The following ZPBP variants were observed in gnomAD, a reference collection of about 807,000 sequenced individuals.
The protein encoded by ZPBP is zona pellucida-binding protein 1.
In ZPBP, 26 loss-of-function variants were observed where a neutral mutation model predicts 44.8. The ratio of observed to expected loss-of-function variants is 0.58; its 90% CI spans 0.43 to 0.81. ZPBP has a LOEUF of 0.81. ZPBP is among the 30% of genes least tolerant of loss of function. The pLI is 0.00. For synonymous variants in ZPBP, 174 were observed against 153.2 expected (o/e 1.14, Z -1.00); for missense variants, 409 against 434.0 (o/e 0.94, Z 0.51).
chr7:49,903,933 G>A (rs1461156046), intron 1 of ZPBP, among the ~76,000 whole-genome samples: 1 of 152,130 alleles, frequency 6.6e-6, no homozygotes, highest in Non-Finnish European at 1.5e-5. Context: ...GGCAATGTCT[G>A]GTTTACATAG....
At chr7:50,078,634 A>C (rs1477304681) in intron 3 of ZPBP, among the ~76,000 whole-genome samples, 1 of 151,440 alleles carries the variant, frequency 6.6e-6, no homozygotes, top group Admixed American at 6.6e-5. Flanking sequence ...AGGAAACACC[A>C]CTCTGAACAT....
intron 2 of ZPBP, among the ~76,000 whole-genome samples, chr7:49,858,751 G>T (rs1274653205): frequency 6.6e-6 from 1 of 152,060 alleles, no homozygotes; most frequent in Admixed American, 6.5e-5. Context: ...CACAATGCAA[G>T]ATTATGCATT....
intron 5 of ZPBP, among the ~76,000 whole-genome samples, chr7:50,026,319 G>C (rs1223177456): frequency 2.6e-5 from 4 of 151,680 alleles, no homozygotes; most frequent in Admixed American, 6.6e-5. Context: ...CAGAACTGAA[G>C]GGAAAAGCAG....
At chr7:49,877,831 C>G (rs1245459235) in intron 2 of ZPBP, among the ~76,000 whole-genome samples, 1 of 151,926 alleles carries the variant, frequency 6.6e-6, no homozygotes, top group African/African-American at 2.4e-5. Context: ...AAGGCTACTG[C>G]TACCATTTCC....
At chr7:49,875,120 C>A (rs1384942914) in intron 2 of ZPBP, among the ~76,000 whole-genome samples, 1 of 151,366 alleles carries the variant, frequency 6.6e-6, no homozygotes, top group East Asian at 1.9e-4. Flanking sequence ...GCCTGTAATC[C>A]CAGCACTTTG....
At chr7:50,021,032 T>C (rs1799069335) in intron 5 of ZPBP, among the ~76,000 whole-genome samples, 1 of 151,816 alleles carries the variant, frequency 6.6e-6, no homozygotes, top group Non-Finnish European at 1.5e-5. Context: ...GCAAGAAACA[T>C]ACACACTGAA....
At chr7:49,954,513 A>G (rs1795487144) in intron 7 of ZPBP, among the ~76,000 whole-genome samples, 1 of 152,180 alleles carries the variant, frequency 6.6e-6, no homozygotes, top group South Asian at 2.1e-4. Flanking sequence ...TTGGCAAAGC[A>G]GAAATGTTTA....
intron 2 of ZPBP, among the ~76,000 whole-genome samples, chr7:49,882,657 T>G (rs1374909204): frequency 1.3e-5 from 2 of 152,052 alleles, no homozygotes; most frequent in Non-Finnish European, 2.9e-5. Context: ...ACACTACGTC[T>G]CATCCCTGGT....
intron 1 of ZPBP, among the ~76,000 whole-genome samples, chr7:49,931,842 A>G (rs551384856): frequency 6.6e-6 from 1 of 152,328 alleles, no homozygotes; most frequent in South Asian, 2.1e-4. Context: ...GGCAAGGCCT[A>G]GGGCCCCCCT....
intron 2 of ZPBP, among the ~76,000 whole-genome samples, chr7:50,087,954 C>A (rs1483177954): frequency 6.6e-6 from 1 of 151,900 alleles, no homozygotes; most frequent in Admixed American, 6.6e-5. Flanking sequence ...TATGGAATTG[C>A]AAGGGACCCA....
chr7:50,027,588 C>A (rs1799395855), intron 5 of ZPBP, among the ~76,000 whole-genome samples: 1 of 151,474 alleles, frequency 6.6e-6, no homozygotes, highest in Admixed American at 6.6e-5. Context: ...GAATTAAAAC[C>A]AGAGGTAGCA....
chr7:49,898,846 A>G lies in ZPBP; in HGVS notation n.509+2272T>C, dbSNP rs190749927. The stretch of plus-strand genomic sequence containing the variant: ...CCCTATAAAAAGTAAAAAAGGAAAT[A>G]TACCATGTATGCTAAGAAAGAAGAA... On this transcript the variant is annotated intron_variant and non_coding_transcript_variant, in intron 2 of 2. Transcript: ENST00000465922. Among the ~76,000 whole-genome samples, 75 of 152,272 alleles carry G rather than the reference A, an allele frequency of 4.9e-4. 1 individual carries two copies. The highest frequency in any genetic ancestry group is 1.6e-3 in the African/African-American group (67 of 41,568).
chr7:49,938,121 G>T (rs781005394), intron 7 of ZPBP, among the ~76,000 whole-genome samples: 1 of 152,158 alleles, frequency 6.6e-6, no homozygotes, highest in African/African-American at 2.4e-5. Context: ...TGGCCTGGGG[G>T]TTGGGGACCC....
intron 3 of ZPBP, among the ~76,000 whole-genome samples, chr7:50,071,707 G>A (rs553040576): frequency 6.6e-6 from 1 of 152,282 alleles, no homozygotes; most frequent in East Asian, 1.9e-4. Flanking sequence ...GCACTGGTCA[G>A]AGTTGTGATG....
intron 2 of ZPBP, among the ~76,000 whole-genome samples, chr7:49,859,656 C>G (rs985718688): frequency 6.6e-6 from 1 of 152,224 alleles, no homozygotes; most frequent in South Asian, 2.1e-4. Flanking sequence ...ACTGTGCTCT[C>G]TAAAGTGCTA....
intron 7 of ZPBP, 145 bp from the exon 8 acceptor site, chr7:49,937,767 C>A: frequency 1.5e-6 from 1 of 663,898 alleles, no homozygotes; most frequent in Non-Finnish European, 2.6e-6. Flanking sequence ...ACTTTTTCAT[C>A]TTGCAAAACT....
Position 49,870,403 on chromosome 7 carries a change from A to C in ZPBP, n.510-19889T>G, listed in dbSNP as rs1791100562. On this transcript the variant is annotated intron_variant and non_coding_transcript_variant, in intron 2 of 2. Coordinates refer to the ZPBP transcript ENST00000465922. ...TGACGCAGTGAGACTCCGTCTCAAA[A>C]AAATAAAAAAATAAAAATTGTCTAT... is the stretch of plus-strand genomic sequence containing the variant. Among the ~76,000 whole-genome samples the C allele has an allele frequency of 2.0e-5, 3 of 152,234 alleles. No homozygotes were observed. The South Asian group carries it at 6.2e-4, about 32-fold the overall frequency.
intron 1 of ZPBP, among the ~76,000 whole-genome samples, chr7:49,931,066 T>C (rs1321575083): frequency 6.6e-6 from 1 of 152,238 alleles, no homozygotes; most frequent in Non-Finnish European, 1.5e-5. Context: ...TGCCACCATG[T>C]AAGATGTGAC....
At chr7:49,956,865 A>G (rs1413117914) in intron 7 of ZPBP, among the ~76,000 whole-genome samples, 1 of 152,238 alleles carries the variant, frequency 6.6e-6, no homozygotes, top group Non-Finnish European at 1.5e-5. Flanking sequence ...AAAAAGTAGG[A>G]GAAATCACAC....
Sources: gnomAD v4.1 joint callset for allele counts (sites outside exome capture counted in the v4.1 genomes callset) on GRCh38, gnomAD v4.1.1 for gene constraint, MANE v1.5 for transcripts, NCBI Gene and HGNC (gene_info 2026-07-23, HGNC 2026-07-21) for gene names.